NXPH2: variants seen among roughly 807,000 people sequenced by gnomAD.
NXPH2 encodes neurexophilin-2.
In NXPH2, 5 loss-of-function variants were observed where a neutral mutation model predicts 19.8. That is an observed-to-expected ratio of 0.25 (90% CI 0.13 to 0.53). The LOEUF (loss-of-function observed/expected upper bound fraction) is 0.53. Ranked by LOEUF, NXPH2 falls within the 20% of genes least tolerant of loss-of-function variation. NXPH2 has a pLI of 0.96. For synonymous variants in NXPH2, 154 were observed against 127.4 expected, an observed-to-expected ratio of 1.21 and a Z score of -1.41; for missense variants, 289 against 322.8, an observed-to-expected ratio of 0.90 and a Z score of 0.80.
chr2:138,756,182 T>C (rs576997452), intron 1 of NXPH2, among the ~76,000 whole-genome samples: 2 of 152,236 alleles, frequency 1.3e-5, no homozygotes, highest in African/African-American at 4.8e-5. Context: ...TCCTTTCTAA[T>C]ATGAACACCA....
Position 138,749,644 on chromosome 2 carries a change from G to T in NXPH2, c.51+30547C>A, listed in dbSNP as rs538264683. On this transcript the variant is annotated intron_variant, in intron 1 of 1. Coordinates refer to ENST00000272641, the MANE Select transcript of NXPH2 (RefSeq NM_007226.3). ...ATTATTAGTGTAAAAATAAAATAAA[G>T]ATATTCAAGGTTTTGAAGACAGTTG... Among the ~76,000 whole-genome samples the T allele has an allele frequency of 5.3e-5, 8 of 152,132 alleles. No homozygotes were observed. The East Asian group carries it at 1.2e-3, about 22-fold the overall frequency.
At position 138,670,950 on chromosome 2, in the gene NXPH2, C is replaced by G; in HGVS notation, c.767G>C (p.Ser256Thr). The change falls in exon 2 of 2, where the codon AGT becomes ACT. Residue 256 changes from serine (S) to threonine (T), a missense_variant. Coordinates refer to ENST00000272641, the MANE Select transcript of NXPH2 (RefSeq NM_007226.3). ...QKVCPDYNYH[S>T]ETPYLSSG is the part of the protein sequence containing the mutation. ...GCCAGAAGATAAGTATGGGGTCTCA[C>G]TATGGTAATTGTAGTCAGGGCACAC... 1 of 1,613,722 alleles carries G rather than the reference C, an allele frequency of 6.2e-7. No homozygotes were observed. The highest frequency in any genetic ancestry group is 8.5e-7 in the Non-Finnish European group (1 of 1,179,782).
intron 1 of NXPH2, among the ~76,000 whole-genome samples, chr2:138,703,982 T>C (rs896950678): frequency 6.6e-6 from 1 of 152,208 alleles, no homozygotes; most frequent in Non-Finnish European, 1.5e-5. Context: ...ATGACTTTAT[T>C]ACACCACTTG....
intron 1 of NXPH2, among the ~76,000 whole-genome samples, chr2:138,697,598 T>C (rs1680847773): frequency 6.6e-6 from 1 of 151,942 alleles, no homozygotes; most frequent in South Asian, 2.1e-4. Flanking sequence ...TGGCAGGAAA[T>C]ATACAATTCA....
At chr2:138,758,148 T>C (rs1222889435) in intron 1 of NXPH2, among the ~76,000 whole-genome samples, 3 of 152,126 alleles carry the variant, frequency 2.0e-5, no homozygotes, top group Non-Finnish European at 4.4e-5. Flanking sequence ...CCTTTTATGA[T>C]AGAAACTCAA....
In NXPH2 at chr2:138,670,797, C is replaced by A; in HGVS notation, c.*125G>T. 8.0e-6 allele frequency: 8 copies of A among 1,004,368 alleles called. No homozygotes were observed. Among genetic ancestry groups the A allele is most frequent in the Admixed American group, 3.2e-5 (1 of 31,434 alleles). The allele number at this position is 1,004,368 out of a possible 1,614,324, so 62.2% of individuals were successfully genotyped here. A position where few individuals can be genotyped will look rare whatever the true frequency, so the allele number is the denominator to read the frequency against. On this transcript the variant is annotated 3_prime_UTR_variant, in exon 2 of 2. Coordinates refer to ENST00000272641, the MANE Select transcript of NXPH2 (RefSeq NM_007226.3). ...TTTTTCTTTTTTTAAATTTGAAAAC[C>A]TGATAGGGAACTATTGTTCACTGCC...
In NXPH2 at chr2:138,780,282, G is replaced by A. The variant is rs919843062; in HGVS notation, c.-41C>T. ...GGCTTTTCACGAGCTGCGCGCCCTC[G>A]CCTGCCTCTCGCGCATCTCCACTTC... is the stretch of plus-strand genomic sequence containing the variant. On this transcript the variant is annotated 5_prime_UTR_variant, in exon 1 of 2. Coordinates refer to ENST00000272641, the MANE Select transcript of NXPH2 (RefSeq NM_007226.3). 4 of 1,397,768 alleles carry A rather than the reference G, an allele frequency of 2.9e-6. No individual in the cohort carries two copies. Among genetic ancestry groups the A allele is most frequent in the Non-Finnish European group, 3.7e-6 (4 of 1,084,102 alleles). 86.6% of individuals were successfully genotyped at this position (1,397,768 alleles called of 1,614,324 possible). A position where few individuals can be genotyped will look rare whatever the true frequency, so the allele number is the denominator to read the frequency against.
intron 1 of NXPH2, among the ~76,000 whole-genome samples, chr2:138,757,675 A>C (rs1433668749): frequency 6.6e-6 from 1 of 152,112 alleles, no homozygotes; most frequent in Non-Finnish European, 1.5e-5. Flanking sequence ...CCAGCCTCTA[A>C]ATTGTGTAAG....
At chr2:138,698,109 A>G (rs1030683670) in intron 1 of NXPH2, among the ~76,000 whole-genome samples, 22 of 152,300 alleles carry the variant, frequency 1.4e-4, no homozygotes, top group African/African-American at 5.3e-4. Flanking sequence ...CGAATGCACA[A>G]TGATGTTCAC....
intron 1 of NXPH2, among the ~76,000 whole-genome samples, chr2:138,675,254 TTA>T (rs1680469520): frequency 6.6e-6 from 1 of 152,176 alleles, no homozygotes; most frequent in Non-Finnish European, 1.5e-5. Flanking sequence ...TTGTTTAATG[TTA>T]TATGTTTCCC....
intron 1 of NXPH2, among the ~76,000 whole-genome samples, chr2:138,762,392 C>T (rs1199688773): frequency 6.6e-6 from 1 of 152,140 alleles, no homozygotes; most frequent in East Asian, 1.9e-4. Flanking sequence ...CAGCCCTTGC[C>T]CACTGCTAGC....
At chr2:138,707,271 C>T in intron 1 of NXPH2, among the ~76,000 whole-genome samples, 1 of 151,886 alleles carries the variant, frequency 6.6e-6, no homozygotes, top group Non-Finnish European at 1.5e-5. Flanking sequence ...CAAATGAGAA[C>T]AAAGGCCAGC....
At chr2:138,672,365 T>G (rs549502227) in intron 1 of NXPH2, among the ~76,000 whole-genome samples, 1 of 152,350 alleles carries the variant, frequency 6.6e-6, no homozygotes, top group East Asian at 1.9e-4. Context: ...CTGAATTATA[T>G]CCTAAAATAA....
chr2:138,725,434 G>A (rs1428524429), intron 1 of NXPH2, among the ~76,000 whole-genome samples: 1 of 152,192 alleles, frequency 6.6e-6, no homozygotes, highest in African/African-American at 2.4e-5. Context: ...GAAGGATTGA[G>A]AAAGGAGGTG....
rs140610944 is a variant in NXPH2 at position 138,693,568 on chromosome 2, T to C, written c.52-21903A>G. ...TGCCATATAAATTATAGATTCTTGA[T>C]GGTGACCATGTCTTGATTTTTTTTT... On this transcript the variant is annotated intron_variant, in intron 1 of 1. Coordinates refer to ENST00000272641, the MANE Select transcript of NXPH2 (RefSeq NM_007226.3). Among the ~76,000 whole-genome samples the C allele has an allele frequency of 5.1e-3, 776 of 152,072 alleles. 7 individuals are homozygous for C. Among genetic ancestry groups the C allele is most frequent in the African/African-American group, 0.018 (728 of 41,370 alleles).
intron 1 of NXPH2, among the ~76,000 whole-genome samples, chr2:138,772,214 C>T (rs1408018807): frequency 6.6e-6 from 1 of 152,160 alleles, no homozygotes; most frequent in East Asian, 1.9e-4. Context: ...CTAACTGGAG[C>T]CACATTACTT....
At chr2:138,694,022 C>T (rs1010817078) in intron 1 of NXPH2, among the ~76,000 whole-genome samples, 1 of 152,080 alleles carries the variant, frequency 6.6e-6, no homozygotes, top group Non-Finnish European at 1.5e-5. Flanking sequence ...AAAAATGAAA[C>T]TTAACCTCAG....
In NXPH2 at chr2:138,721,926, A is replaced by G. The variant is rs1235884594; in HGVS notation, c.52-50261T>C. Among the ~76,000 whole-genome samples the G allele has an allele frequency of 2.0e-5, 3 of 152,354 alleles. No homozygotes were observed. The East Asian group carries it at 5.8e-4, about 29-fold the overall frequency. On this transcript the variant is annotated intron_variant, in intron 1 of 1. Transcript: ENST00000272641. ...TCTTTATTGAATTTGCAGACCTACA[A>G]TAGCAATGGCGGGAGCATGGCTATT...
At chr2:138,706,768 T>C (rs1282793391) in intron 1 of NXPH2, among the ~76,000 whole-genome samples, 1 of 151,610 alleles carries the variant, frequency 6.6e-6, no homozygotes, top group African/African-American at 2.4e-5. Flanking sequence ...GCAGGTGTGG[T>C]AGTGTGTACC....
Sources: gnomAD v4.1 joint callset for allele counts (sites outside exome capture counted in the v4.1 genomes callset) on GRCh38, gnomAD v4.1.1 for gene constraint, MANE v1.5 for transcripts, NCBI Gene and HGNC (gene_info 2026-07-23, HGNC 2026-07-21) for gene names.